Variants in CACNG3 observed in about 807,000 individuals in gnomAD.
The protein encoded by CACNG3 is calcium voltage-gated channel auxiliary subunit gamma 3, also known as voltage-dependent calcium channel gamma-3 subunit.
In CACNG3, 3 loss-of-function variants were observed where a neutral mutation model predicts 28.5. That is an observed-to-expected ratio of 0.11 (90% CI 0.05 to 0.27). The LOEUF is 0.27. Among genes scored for constraint, CACNG3 ranks in the 10% least tolerant of loss-of-function variants. CACNG3 has a pLI of 1.00. For missense variants in CACNG3, 236 were observed against 414.4 expected, an observed-to-expected ratio of 0.57 and a Z score of 3.74; for synonymous variants, 174 against 162.2, an observed-to-expected ratio of 1.07 and a Z score of -0.55.
intron 2 of CACNG3, among the ~76,000 whole-genome samples, chr16:24,352,893 G>T (rs1481850990): frequency 6.6e-6 from 1 of 152,200 alleles, no homozygotes; most frequent in Non-Finnish European, 1.5e-5. Flanking sequence ...CCTCAGAAGG[G>T]CCCCACCCTT....
intron 3 of CACNG3, among the ~76,000 whole-genome samples, chr16:24,356,849 C>A (rs1186700107): frequency 6.6e-6 from 1 of 152,118 alleles, no homozygotes; most frequent in Non-Finnish European, 1.5e-5. Context: ...ACTCACAGTT[C>A]CACATGGTTG....
chr16:24,279,619 G>A (rs1018893644), intron 1 of CACNG3, among the ~76,000 whole-genome samples: 3 of 152,192 alleles, frequency 2.0e-5, no homozygotes, highest in African/African-American at 7.2e-5. Flanking sequence ...AATATTTGCA[G>A]ACTGGTTAAG....
intron 1 of CACNG3, among the ~76,000 whole-genome samples, chr16:24,327,702 G>T (rs181176309): frequency 6.6e-6 from 1 of 152,012 alleles, no homozygotes; most frequent in African/African-American, 2.4e-5. Context: ...AATGCTTTGG[G>T]GGGCTGAGAC....
At chr16:24,348,721 T>C (rs1025090254) in intron 2 of CACNG3, among the ~76,000 whole-genome samples, 1 of 152,216 alleles carries the variant, frequency 6.6e-6, no homozygotes, top group Non-Finnish European at 1.5e-5. Flanking sequence ...CACAGATCAC[T>C]TGCATCTTCT....
chr16:24,289,649 C>A (rs1423231754), intron 1 of CACNG3, among the ~76,000 whole-genome samples: 2 of 152,194 alleles, frequency 1.3e-5, no homozygotes, highest in African/African-American at 4.8e-5. Flanking sequence ...CTGAGAGATG[C>A]TCTGGGGTAG....
chr16:24,283,103 T>G (rs1898850950), intron 1 of CACNG3, among the ~76,000 whole-genome samples: 1 of 152,074 alleles, frequency 6.6e-6, no homozygotes, highest in Non-Finnish European at 1.5e-5. Context: ...CGCCTAACCT[T>G]GTGATCTGCT....
chr16:24,277,148 C>T (rs1898762921), intron 1 of CACNG3, among the ~76,000 whole-genome samples: 1 of 152,152 alleles, frequency 6.6e-6, no homozygotes, highest in African/African-American at 2.4e-5. Flanking sequence ...CCTCCTTTTT[C>T]TGGTCAAAGG....
rs1342970402 is a variant in CACNG3, at chr16:24,327,451, TATATACAC to T, written c.212-19281_212-19274del. The stretch of plus-strand genomic sequence containing the variant: ...GTGTGTGTGTGTGTATATATATATA[TATATACAC>T]ACACACACACACACACACATATACT... On this transcript the variant is annotated intron_variant, in intron 1 of 3. Coordinates refer to ENST00000005284, the MANE Select transcript of CACNG3 (RefSeq NM_006539.4). Among the ~76,000 whole-genome samples the T allele has an allele frequency of 2.6e-5, 3 of 115,404 alleles. No homozygotes were observed. In the Admixed American group the frequency reaches 2.8e-4, roughly 11 times the overall value. The allele number at this position is 115,404 out of a possible 152,430, so 75.7% of individuals were successfully genotyped here.
chr16:24,278,011 A>G (rs1898775289), intron 1 of CACNG3, among the ~76,000 whole-genome samples: 1 of 152,180 alleles, frequency 6.6e-6, no homozygotes, highest in Non-Finnish European at 1.5e-5. Flanking sequence ...CACAGCACCT[A>G]GCTAACTGAT....
At chr16:24,306,518 ATC>A (rs1899187865) in intron 1 of CACNG3, among the ~76,000 whole-genome samples, 1 of 152,162 alleles carries the variant, frequency 6.6e-6, no homozygotes, top group South Asian at 2.1e-4. Flanking sequence ...CCCATCTGGT[ATC>A]TCCTTCGCCC....
chr16:24,303,930 T>A (rs948339757), intron 1 of CACNG3, among the ~76,000 whole-genome samples: 1 of 151,754 alleles, frequency 6.6e-6, no homozygotes, highest in Non-Finnish European at 1.5e-5. Context: ...ACAAAAGAAT[T>A]AGGTGGTGCA....
At chr16:24,329,250 C>T (rs1428870895) in intron 1 of CACNG3, among the ~76,000 whole-genome samples, 1 of 152,134 alleles carries the variant, frequency 6.6e-6, no homozygotes, top group Non-Finnish European at 1.5e-5. Flanking sequence ...TGGCAACCAC[C>T]CATGCTTAAT....
At chr16:24,257,409 G>GAGAGAA (rs1421750352) in intron 1 of CACNG3, among the ~76,000 whole-genome samples, 2 of 143,854 alleles carry the variant, frequency 1.4e-5, no homozygotes, top group Non-Finnish European at 1.5e-5. Context: ...GAGAGAGAGA[G>GAGAGAA]AGAGAGAGAG....
intron 1 of CACNG3, among the ~76,000 whole-genome samples, chr16:24,325,026 A>T (rs1354635532): frequency 1.3e-5 from 2 of 152,026 alleles, no homozygotes; most frequent in African/African-American, 2.4e-5. Context: ...TGTCCTCCCC[A>T]TCCCCTTTGA....
intron 1 of CACNG3, among the ~76,000 whole-genome samples, chr16:24,284,564 T>G (rs1040037646): frequency 1.3e-5 from 2 of 152,222 alleles, no homozygotes; most frequent in African/African-American, 4.8e-5. Context: ...TCTTCCAAGA[T>G]GGTGCCATTA....
intron 1 of CACNG3, among the ~76,000 whole-genome samples, chr16:24,317,591 AAAG>A (rs1899375022): frequency 1.5e-5 from 1 of 67,892 alleles, no homozygotes; most frequent in African/African-American, 6.7e-5. Flanking sequence ...AGAAAGAAAG[AAAG>A]AAAGAAAGAA....
chr16:24,316,904 C>T (rs1427050823), intron 1 of CACNG3, among the ~76,000 whole-genome samples: 3 of 152,188 alleles, frequency 2.0e-5, no homozygotes, highest in Admixed American at 1.3e-4. Context: ...GGCTGGGTCA[C>T]CCTTAAATAA....
At chr16:24,344,470 G>A (rs189896298) in intron 1 of CACNG3, among the ~76,000 whole-genome samples, 4 of 152,002 alleles carry the variant, frequency 2.6e-5, no homozygotes, top group East Asian at 3.9e-4. Flanking sequence ...AGGTGCACAC[G>A]TGTGTTACTT....
At chr16:24,355,089 C>A in intron 3 of CACNG3, 116 bp downstream of exon 3, 2 of 1,022,548 alleles carry the variant, frequency 2.0e-6, no homozygotes, top group Non-Finnish European at 2.9e-6. Flanking sequence ...GAAAATGTTC[C>A]AGTTGTGCTA....
Sources: allele counts gnomAD v4.1 joint callset (sites outside exome capture counted in the v4.1 genomes callset), GRCh38; gene constraint gnomAD v4.1.1; transcripts MANE v1.5; gene names NCBI Gene and HGNC (gene_info 2026-07-23, HGNC 2026-07-21).